Variants in ACOT7 observed in about 807,000 individuals in gnomAD.
ACOT7 encodes acyl-CoA thioesterase 7.
In ACOT7, 12 loss-of-function variants were observed where a neutral mutation model predicts 40.2. That is an observed-to-expected ratio of 0.30 (90% confidence interval 0.19 to 0.48). The LOEUF (loss-of-function observed/expected upper bound fraction) is 0.48, where lower values mean the gene tolerates loss of function less well. Among genes scored for constraint, ACOT7 ranks in the 20% least tolerant of loss-of-function variants. ACOT7 has a pLI of 0.99. For synonymous variants in ACOT7, 228 were observed against 219.5 expected (o/e 1.04, Z -0.34); for missense variants, 395 against 530.8 (o/e 0.74, Z 2.51).
At position 6,338,277 on chromosome 1, in the gene ACOT7, C is replaced by T. The variant is rs1274529937; in HGVS notation, c.418+1156G>A. Among the ~76,000 whole-genome samples, 2 of 152,204 alleles carry T rather than the reference C, an allele frequency of 1.3e-5. No individual in the cohort carries two copies. Among genetic ancestry groups the T allele is most frequent in the Non-Finnish European group, 2.9e-5 (2 of 68,018 alleles). On this transcript the variant is annotated intron_variant, in intron 3 of 8. Transcript: ENST00000361521. This position sits in a 1 kb window ranked among gnomAD's most constrained non-coding sequence, Gnocchi z 4.4. Reference sequence around the variant, plus strand: ...CACCCCCAGCACAGTCGGAGAAGAGCTGCGATCTCACAGGAGATGGCAGGG... The same window carrying T: ...CACCCCCAGCACAGTCGGAGAAGAGTTGCGATCTCACAGGAGATGGCAGGG...
chr1:6,308,903 G>C lies in ACOT7; in HGVS notation c.712+9589C>G, dbSNP rs996112360. On this transcript the variant is annotated intron_variant, in intron 6 of 8. Transcript: ENST00000361521. ...CCCCAGACCCTCCTAGACTGTCATA[G>C]CTGGCGCAGTCAGTGGCTCTTTACT... Among the ~76,000 whole-genome samples the C allele has an allele frequency of 7.9e-5, 12 of 152,342 alleles. No homozygotes were observed. The East Asian group carries it at 2.3e-3, about 29-fold the overall frequency.
chr1:6,328,981 A>G (rs746993471), intron 4 of ACOT7, among the ~76,000 whole-genome samples: 1 of 152,176 alleles, frequency 6.6e-6, no homozygotes, highest in Non-Finnish European at 1.5e-5. Flanking sequence ...TGTTCTGATT[A>G]GCCTCCACTT....
intron 1 of ACOT7, among the ~76,000 whole-genome samples, chr1:6,374,354 G>C (rs1274432281): frequency 1.3e-5 from 2 of 152,376 alleles, no homozygotes; most frequent in South Asian, 2.1e-4. Context: ...ATGTCCCTCA[G>C]TGGGCAGACC....
intron 1 of ACOT7, among the ~76,000 whole-genome samples, chr1:6,388,158 G>C (rs1297069526): frequency 6.6e-6 from 1 of 151,840 alleles, no homozygotes; most frequent in Non-Finnish European, 1.5e-5. Flanking sequence ...GCCCAGGCTG[G>C]AGTGCAGTGG....
At chr1:6,356,334 C>T (rs929408230) in intron 1 of ACOT7, among the ~76,000 whole-genome samples, 1 of 152,122 alleles carries the variant, frequency 6.6e-6, no homozygotes, top group Non-Finnish European at 1.5e-5. Flanking sequence ...CTCTGATGCT[C>T]CCAAAGAAAG....
At chr1:6,318,680 A>G in intron 5 of ACOT7, 102 bp from the exon 6 acceptor site, 1 of 1,143,956 alleles carries the variant, frequency 8.7e-7, no homozygotes, top group South Asian at 1.3e-5. Context: ...ACAGTCAACG[A>G]AGGCGTCCAA....
At chr1:6,360,595 C>T (rs747418227) in intron 1 of ACOT7, 2 of 1,614,190 alleles carry the variant, frequency 1.2e-6, no homozygotes, top group Admixed American at 3.3e-5. Context: ...CCAAAACAGG[C>T]CCTGTCGACT....
At chr1:6,302,484 G>A (rs752641645) in intron 6 of ACOT7, among the ~76,000 whole-genome samples, 12 of 152,064 alleles carry the variant, frequency 7.9e-5, no homozygotes, top group Non-Finnish European at 1.6e-4. Flanking sequence ...AAACCCACCC[G>A]AGAAGACGGA....
rs1273545185 is a variant in ACOT7, at chr1:6,274,329, C to T, written c.1014+6773G>A. ...CTGCAGCCCCCACATCAGTGCGTCA[C>T]AAAGCTGTGGCCCTCAGCACTGCAT... On this transcript the variant is annotated intron_variant, in intron 8 of 8. Transcript: ENST00000361521. This position sits in a 1 kb window ranked among gnomAD's most constrained non-coding sequence, Gnocchi z 5.9. Among the ~76,000 whole-genome samples, 1 of 152,254 alleles carries T rather than the reference C, an allele frequency of 6.6e-6. No homozygotes were observed. Among genetic ancestry groups the T allele is most frequent in the Non-Finnish European group, 1.5e-5 (1 of 68,036 alleles).
intron 1 of ACOT7, among the ~76,000 whole-genome samples, chr1:6,366,558 G>A (rs1202409645): frequency 6.6e-6 from 1 of 150,432 alleles, no homozygotes; most frequent in Non-Finnish European, 1.5e-5. Flanking sequence ...CTGCACTCCA[G>A]CCCGGGTGAC....
chr1:6,284,763 G>A (rs1391287062), intron 7 of ACOT7, among the ~76,000 whole-genome samples: 5 of 151,984 alleles, frequency 3.3e-5, no homozygotes, highest in Admixed American at 1.3e-4. Context: ...GGTGATGAGC[G>A]ACTGGCCTCA....
rs140420747 is a variant in ACOT7 at position 6,345,927 on chromosome 1, C to T, written c.261+3822G>A. On this transcript the variant is annotated intron_variant, in intron 2 of 8. Transcript: ENST00000361521. The stretch of plus-strand genomic sequence containing the variant: ...GGTTGACGGTGCCAGGCCCGAGCTC[C>T]CAGCATTCATCAGATGATGCCTAAG... Among the ~76,000 whole-genome samples the T allele has an allele frequency of 1.5e-3, 231 of 152,300 alleles. 1 individual carries two copies. The highest frequency in any genetic ancestry group is 5.3e-3 in the African/African-American group (219 of 41,574).
intron 5 of ACOT7, among the ~76,000 whole-genome samples, chr1:6,320,233 C>T (rs549218084): frequency 8.5e-5 from 13 of 152,312 alleles, no homozygotes; most frequent in African/African-American, 2.4e-4. Flanking sequence ...GGACGGGATC[C>T]GAAAAGGAGA....
rs1025353905 is a variant in ACOT7 at position 6,275,228 on chromosome 1, G to A, written c.1014+5874C>T. Among the ~76,000 whole-genome samples, 3 of 152,240 alleles carry A rather than the reference G, an allele frequency of 2.0e-5. No individual in the cohort carries two copies. Among genetic ancestry groups the A allele is most frequent in the Non-Finnish European group, 2.9e-5 (2 of 68,042 alleles). On this transcript the variant is annotated intron_variant, in intron 8 of 8. Transcript: ENST00000361521. The surrounding 1 kb of genome is among the most constrained non-coding windows in gnomAD (Gnocchi z 5.6). ...AGACAGGCAGCAGCCTCTGCATCCA[G>A]CTGCCCTGGCTTCCTAACCAGAAAA... is the stretch of plus-strand genomic sequence containing the variant.
intron 8 of ACOT7, among the ~76,000 whole-genome samples, chr1:6,268,917 C>T (rs1427202397): frequency 2.0e-5 from 3 of 152,208 alleles, no homozygotes; most frequent in Non-Finnish European, 4.4e-5. Flanking sequence ...GGGAGGACCA[C>T]CCAACTCTGG....
intron 6 of ACOT7, among the ~76,000 whole-genome samples, chr1:6,310,625 C>T (rs1005632827): frequency 3.3e-5 from 5 of 152,242 alleles, no homozygotes; most frequent in Non-Finnish European, 5.9e-5. Flanking sequence ...TCATCAGAGC[C>T]ACCCAGGGCA....
chr1:6,365,640 C>T (rs567657286), intron 1 of ACOT7, among the ~76,000 whole-genome samples: 81 of 151,302 alleles, frequency 5.4e-4, no homozygotes, highest in African/African-American at 1.9e-3. Context: ...TGGTAGTGGG[C>T]GCCTGTAGTC....
At chr1:6,345,609 A>C (rs1366778982) in intron 2 of ACOT7, among the ~76,000 whole-genome samples, 3 of 152,210 alleles carry the variant, frequency 2.0e-5, no homozygotes, top group Non-Finnish European at 4.4e-5. Context: ...GGCAATTGAC[A>C]AACGTCAAGT....
At position 6,306,433 on chromosome 1, in the gene ACOT7, C is replaced by G. The variant is rs1367749982; in HGVS notation, c.713-11453G>C. 4 of 985,138 alleles carry G rather than the reference C, an allele frequency of 4.1e-6. No individual in the cohort carries two copies. The highest frequency in any genetic ancestry group is 4.8e-6 in the Non-Finnish European group (4 of 829,908). The allele number at this position is 985,138 out of a possible 1,614,324, so 61.0% of individuals were successfully genotyped here. On this transcript the variant is annotated intron_variant, in intron 6 of 8. Coordinates refer to ENST00000361521, the MANE Select transcript of ACOT7 (RefSeq NM_007274.4). The surrounding 1 kb of genome is among the most constrained non-coding windows in gnomAD (Gnocchi z 4.3). The stretch of plus-strand genomic sequence containing the variant: ...TGCTTGGACTGGAGTGATATGAACC[C>G]CACGCCCAGGCTTTCAGGGTTGACA...
Sources: gnomAD v4.1 joint callset for allele counts (sites outside exome capture counted in the v4.1 genomes callset) on GRCh38, gnomAD v4.1.1 for gene constraint, Gnocchi (gnomAD v3.1) non-coding constraint, MANE v1.5 for transcripts, NCBI Gene and HGNC (gene_info 2026-07-23, HGNC 2026-07-21) for gene names.